PSPC1: variants seen among roughly 807,000 people sequenced by gnomAD.
PSPC1 encodes paraspeckle component 1, also known as paraspeckle protein 1.
Under a neutral mutation model 51.6 loss-of-function variants are expected in PSPC1, and 14 were observed. The observed-to-expected ratio is 0.27, with a 90% CI of 0.18 to 0.42. The LOEUF is 0.42. Ranked by LOEUF, PSPC1 falls within the 10% of genes least tolerant of loss-of-function variation. The pLI is 1.00. For synonymous variants in PSPC1, 193 were observed against 231.9 expected (o/e 0.83, Z 1.53); for missense variants, 406 against 701.1 (o/e 0.58, Z 4.75).
rs1312311753 is a variant in PSPC1, at chr13:19,708,223, C to T, written c.1216+1319G>A. 2.0e-5 allele frequency among the ~76,000 whole-genome samples: 3 copies of T among 152,284 alleles called. No individual in the cohort carries two copies. The East Asian group carries it at 5.8e-4, about 29-fold the overall frequency. ...AAAAAAGCTGATCATGGAAAATGTT[C>T]ATTCCACACATGACTTAAGTTTCAT... On this transcript the variant is annotated intron_variant, in intron 7 of 8. Coordinates refer to ENST00000338910, the MANE Select transcript of PSPC1 (RefSeq NM_001354909.2).
rs369775020 is a variant in PSPC1, at chr13:19,778,115, G to A, written c.372+4271C>T. On this transcript the variant is annotated intron_variant, in intron 1 of 8. Transcript: ENST00000338910. ...AAATTAGCTGGGCGTGGTTGCATGC[G>A]CCTGTAGTCCCAGCTACTCCAGAGG... 3.3e-3 allele frequency among the ~76,000 whole-genome samples: 485 copies of A among 146,368 alleles called. 16 individuals carry two copies. The East Asian group carries it at 0.085, about 26-fold the overall frequency.
chr13:19,750,462 A>G (rs963001579), intron 4 of PSPC1, among the ~76,000 whole-genome samples: 37 of 150,570 alleles, frequency 2.5e-4, no homozygotes, highest in Admixed American at 6.7e-4. Flanking sequence ...AAACAAAAAT[A>G]TATATATATA....
chr13:19,758,841 CAA>C (rs76319591), intron 3 of PSPC1, among the ~76,000 whole-genome samples: 3 of 133,128 alleles, frequency 2.3e-5, no homozygotes, highest in Admixed American at 7.5e-5. Flanking sequence ...ATCTCAAAAA[CAA>C]AAAAAAAAAA....
intron 5 of PSPC1, among the ~76,000 whole-genome samples, chr13:19,736,538 C>T (rs768556127): frequency 5.9e-5 from 9 of 151,958 alleles, no homozygotes; most frequent in Admixed American, 3.9e-4. Flanking sequence ...AAAAAATTAG[C>T]CAGGTGTGGT....
intron 6 of PSPC1, among the ~76,000 whole-genome samples, chr13:19,680,339 A>AT (rs1280305939): frequency 6.6e-6 from 1 of 152,062 alleles, no homozygotes; most frequent in Non-Finnish European, 1.5e-5. Context: ...TAAAAGGGTC[A>AT]TTTTTTCTTA....
At position 19,737,178 on chromosome 13, in the gene PSPC1, T is replaced by C. The variant is rs551674401; in HGVS notation, c.1052+4387A>G. On this transcript the variant is annotated intron_variant, in intron 5 of 8. Transcript: ENST00000338910. ...ACTTAATGCGGACATCCAATCGACA[T>C]AGTGCATTACAGCCCAGAACTCCTG... The C allele has an allele frequency of 3.2e-4, 49 of 152,282 alleles. 1 individual carries two copies. The highest frequency in any genetic ancestry group is 1.1e-3 in the African/African-American group (46 of 41,562). 9.4% of individuals were successfully genotyped at this position (152,282 alleles called of 1,614,324 possible).
At chr13:19,720,182 C>T (rs957633813) in intron 6 of PSPC1, among the ~76,000 whole-genome samples, 1 of 152,156 alleles carries the variant, frequency 6.6e-6, no homozygotes, top group Non-Finnish European at 1.5e-5. Flanking sequence ...ACAAACAATA[C>T]TAGCAATAAA....
chr13:19,720,457 T>C (rs1471404020), intron 6 of PSPC1, among the ~76,000 whole-genome samples: 1 of 152,196 alleles, frequency 6.6e-6, no homozygotes, highest in African/African-American at 2.4e-5. Context: ...CAGGAGAGTA[T>C]CCATTTCTGT....
chr13:19,682,911 A>T (rs553324338), intron 6 of PSPC1, among the ~76,000 whole-genome samples: 146 of 152,050 alleles, frequency 9.6e-4, no homozygotes, highest in Middle Eastern at 3.4e-3. Context: ...CTAAAAAAAA[A>T]AAATAAATTA....
At chr13:19,753,055 G>A (rs1886722524) in intron 3 of PSPC1, among the ~76,000 whole-genome samples, 1 of 151,636 alleles carries the variant, frequency 6.6e-6, no homozygotes. Context: ...GGCTGAGACA[G>A]GCGGATCACA....
chr13:19,725,671 GGTCTGTTCTA>G (rs1405202430), intron 6 of PSPC1, among the ~76,000 whole-genome samples: 1 of 152,118 alleles, frequency 6.6e-6, no homozygotes, highest in East Asian at 1.9e-4. Context: ...AACTGAGCCT[GGTCTGTTCTA>G]GTCTGTCAAC....
In PSPC1 at chr13:19,782,907, C is replaced by T. The variant is rs1040449764; in HGVS notation, c.-150G>A. On this transcript the variant is annotated 5_prime_UTR_variant, in exon 1 of 9. Transcript: ENST00000338910. This position sits in a 1 kb window ranked among gnomAD's most constrained non-coding sequence, Gnocchi z 4.5. ...TAGGCGAGTCGGCAACCCGTCCTCC[C>T]CCAACTCACGCCCGCTGCAGCTGCA... 2.5e-6 allele frequency: 2 copies of T among 815,820 alleles called. No homozygotes were observed. The highest frequency in any genetic ancestry group is 3.5e-5 in the South Asian group (1 of 28,970). The allele number at this position is 815,820 out of a possible 1,614,324, so 50.5% of individuals were successfully genotyped here.
chr13:19,742,887 G>A (rs1885576377), intron 4 of PSPC1, among the ~76,000 whole-genome samples: 1 of 151,248 alleles, frequency 6.6e-6, no homozygotes, highest in Admixed American at 6.7e-5. Flanking sequence ...AACACGATTA[G>A]CATGAAATTC....
intron 4 of PSPC1, among the ~76,000 whole-genome samples, chr13:19,742,876 C>T (rs529023935): frequency 6.6e-6 from 1 of 152,274 alleles, no homozygotes; most frequent in Admixed American, 6.5e-5. Context: ...ACCTCCCTCG[C>T]AACACGATTA....
rs1469855212 is a variant in PSPC1, at chr13:19,782,617, C to T, written c.141G>A (p.Pro47=). ...MALALAGEPA[P]PAPAPPEDHP... ...GGTCCTCTGGAGGCGCGGGCGCGGGCGGTGCCGGCTCCCCGGCAAGAGCGA... is the reference window on the plus strand; with the variant it reads ...GGTCCTCTGGAGGCGCGGGCGCGGGTGGTGCCGGCTCCCCGGCAAGAGCGA... Residue 47 remains proline, a synonymous_variant, in exon 1 of 9, where the codon CCG becomes CCA. Transcript: ENST00000338910. The surrounding 1 kb of genome is among the most constrained non-coding windows in gnomAD (Gnocchi z 4.5). 2.5e-6 allele frequency: 4 copies of T among 1,577,024 alleles called. No homozygotes were observed. The highest frequency in any genetic ancestry group is 1.4e-5 in the African/African-American group (1 of 71,074).
intron 5 of PSPC1, among the ~76,000 whole-genome samples, chr13:19,737,872 G>A (rs1273757139): frequency 6.6e-6 from 1 of 152,016 alleles, no homozygotes; most frequent in Non-Finnish European, 1.5e-5. Context: ...GATCACTTGA[G>A]GCCAGGAGTT....
intron 5 of PSPC1, among the ~76,000 whole-genome samples, chr13:19,738,492 T>C (rs1885083161): frequency 6.6e-6 from 1 of 152,142 alleles, no homozygotes; most frequent in Non-Finnish European, 1.5e-5. Flanking sequence ...AACAGCACTG[T>C]TTACAGAGAA....
intron 7 of PSPC1, chr13:19,675,100 G>GC (rs1427100032): frequency 6.5e-6 from 1 of 152,860 alleles, no homozygotes; most frequent in Non-Finnish European, 1.5e-5. Context: ...ACGCCACCAC[G>GC]CATCCCCGCA....
chr13:19,755,727 T>TA (rs545539630), intron 3 of PSPC1, among the ~76,000 whole-genome samples: 183 of 152,294 alleles, frequency 1.2e-3, no homozygotes, highest in South Asian at 4.8e-3. Flanking sequence ...TGCTCCCTTC[T>TA]CAGTCGTTAT....
Sources: allele counts gnomAD v4.1 joint callset (sites outside exome capture counted in the v4.1 genomes callset), GRCh38; gene constraint gnomAD v4.1.1; non-coding constraint Gnocchi (gnomAD v3.1); transcripts MANE v1.5; gene names NCBI Gene and HGNC (gene_info 2026-07-23, HGNC 2026-07-21).